ST7L: variants seen among roughly 807,000 people sequenced by gnomAD.
The protein encoded by ST7L is suppression of tumorigenicity 7 like.
Under a neutral mutation model 72.5 loss-of-function variants are expected in ST7L, and 57 were observed. That is an observed-to-expected ratio of 0.79 (90% CI 0.64 to 0.98). The LOEUF (loss-of-function observed/expected upper bound fraction) is 0.98. Ranked by LOEUF, ST7L falls within the 50% of genes least tolerant of loss-of-function variation. The pLI, the probability that ST7L is intolerant of heterozygous loss-of-function variation, is 0.00. For synonymous variants in ST7L, 221 were observed against 240.9 expected, an observed-to-expected ratio of 0.92 and a Z score of 0.77; for missense variants, 576 against 672.2, an observed-to-expected ratio of 0.86 and a Z score of 1.58.
intron 13 of ST7L, 82 bp downstream of exon 13, chr1:112,550,516 AAGG>A: frequency 9.9e-7 from 1 of 1,015,154 alleles, no homozygotes; most frequent in Admixed American, 2.1e-5. Flanking sequence ...ATTTAAACCA[AAGG>A]CATTTTTAAA....
At chr1:112,566,451 C>A (rs575491099) in intron 11 of ST7L, among the ~76,000 whole-genome samples, 11 of 151,956 alleles carry the variant, frequency 7.2e-5, no homozygotes, top group Admixed American at 2.0e-4. Flanking sequence ...GTGTGTGCCA[C>A]CATGTCCAGC....
chr1:112,532,957 G>T (rs1036191829), intron 14 of ST7L, among the ~76,000 whole-genome samples: 3 of 152,126 alleles, frequency 2.0e-5, no homozygotes, highest in African/African-American at 7.2e-5. Flanking sequence ...TATAGGTTAT[G>T]ATATTTTAGA....
chr1:112,586,494 A>G (rs766500252), intron 6 of ST7L, among the ~76,000 whole-genome samples: 1 of 152,134 alleles, frequency 6.6e-6, no homozygotes, highest in Non-Finnish European at 1.5e-5. Flanking sequence ...CATTCCAAAA[A>G]CCGACTGAAA....
intron 11 of ST7L, among the ~76,000 whole-genome samples, chr1:112,565,579 T>C (rs1004424673): frequency 6.6e-6 from 1 of 152,236 alleles, no homozygotes; most frequent in Admixed American, 6.5e-5. Context: ...ATTACGTTAT[T>C]AGCTAATTCA....
In ST7L at chr1:112,577,085, G is replaced by C; in HGVS notation, c.1146C>G (p.Phe382Leu). 1 of 1,551,316 alleles carries C rather than the reference G, an allele frequency of 6.4e-7. No individual in the cohort carries two copies. The highest frequency in any genetic ancestry group is 2.3e-5 in the East Asian group (1 of 43,626). ...CTCTTCTGGAGGCTGTTTCTGGAGA[G>C]AATCTACAAGAAAACCACAAAATGA... ...LLKTRTVSEK[F>L]SPETASRRGL... The change falls in exon 11 of 15, where the codon TTC becomes TTG. Residue 382 changes from phenylalanine to leucine, a missense_variant. Phe to Leu is a conservative substitution (Grantham distance 22). Coordinates refer to ENST00000358039, the MANE Select transcript of ST7L (RefSeq NM_017744.5).
intron 3 of ST7L, among the ~76,000 whole-genome samples, chr1:112,604,031 G>A (rs1416867241): frequency 6.6e-6 from 1 of 152,122 alleles, no homozygotes; most frequent in Non-Finnish European, 1.5e-5. Context: ...AATTCGGCTG[G>A]GCACAGTGGC....
intron 11 of ST7L, chr1:112,571,418 T>C (rs1003424987): frequency 5.3e-6 from 2 of 378,290 alleles, no homozygotes; most frequent in Non-Finnish European, 1.0e-5. Context: ...TCTATCTATA[T>C]ATCTATATAG....
At chr1:112,595,142 G>A (rs781242953) in intron 5 of ST7L, among the ~76,000 whole-genome samples, 4 of 151,806 alleles carry the variant, frequency 2.6e-5, no homozygotes, top group Admixed American at 6.6e-5. Context: ...AAGGGGGGGC[G>A]GATCACCTGA....
At chr1:112,589,132 G>A (rs1665293987) in intron 6 of ST7L, among the ~76,000 whole-genome samples, 1 of 151,994 alleles carries the variant, frequency 6.6e-6, no homozygotes, top group African/African-American at 2.4e-5. Flanking sequence ...TTCTGTAATG[G>A]TGAGATATCA....
rs574807362 is a variant in ST7L at position 112,603,565 on chromosome 1, A to G, written c.452-2717T>C. ...ACACTTCAATCAAACACCATTTCAC[A>G]ATAGACAATGGAGAATAAGCTGTCT... On this transcript the variant is annotated intron_variant, in intron 3 of 14. Transcript: ENST00000358039. Among the ~76,000 whole-genome samples, 7 of 152,362 alleles carry G rather than the reference A, an allele frequency of 4.6e-5. No homozygotes were observed. The South Asian group carries it at 1.4e-3, about 32-fold the overall frequency.
chr1:112,529,823 AC>A (rs1383563892), intron 14 of ST7L: 2 of 151,728 alleles, frequency 1.3e-5, no homozygotes, highest in Non-Finnish European at 2.9e-5. Flanking sequence ...TGGTACCTTC[AC>A]AGGAGCTCAG....
At position 112,610,914 on chromosome 1, in the gene ST7L, T is replaced by C. The variant is rs35364712; in HGVS notation, c.378A>G (p.Thr126=). Residue 126 remains threonine, a synonymous_variant, in exon 3 of 15, where the codon ACA becomes ACG. Coordinates refer to ENST00000358039, the MANE Select transcript of ST7L (RefSeq NM_017744.5). ...AACCTGGTTCTGAAATGCTGCTCTC[T>C]GTTCCTCCCATCAGTGGTTGCAAAT... ...VSHLQPLMGG[T]ESSISEPGSP... is the part of the protein sequence containing the mutation. 3,603 of 1,614,266 alleles carry C rather than the reference T, an allele frequency of 2.2e-3. 73 individuals are homozygous for C. The African/African-American group carries it at 0.042, about 19-fold the overall frequency.
At chr1:112,618,722 G>A (rs1001957614) in intron 1 of ST7L, 187 bp downstream of exon 1, 8 of 1,276,886 alleles carry the variant, frequency 6.3e-6, no homozygotes, top group African/African-American at 4.5e-5. Context: ...CGGAGGAGCC[G>A]GTAACGGCAG....
At chr1:112,608,328 AT>A (rs1337579965) in intron 3 of ST7L, among the ~76,000 whole-genome samples, 1 of 152,090 alleles carries the variant, frequency 6.6e-6, no homozygotes, top group Non-Finnish European at 1.5e-5. Context: ...TTTTAACTCA[AT>A]TTGAGATCCA....
chr1:112,566,638 T>C (rs1241752473), intron 11 of ST7L, among the ~76,000 whole-genome samples: 1 of 152,154 alleles, frequency 6.6e-6, no homozygotes, highest in Admixed American at 6.6e-5. Context: ...TTCTCCTTTC[T>C]AGTTAATGAA....
chr1:112,519,872 C>CTTCTTTTTTTTTTTTTT (rs10634267), downstream of ST7L, among the ~76,000 whole-genome samples: 2 of 115,650 alleles, frequency 1.7e-5, no homozygotes, highest in Admixed American at 9.6e-5. Context: ...GCCCATGCTT[C>CTTCTTTTTTTTTTTTTT]TTTTTTTTTT....
intron 14 of ST7L, 132 bp from the exon 15 acceptor site, chr1:112,526,243 T>C (rs1653360640): frequency 2.4e-6 from 3 of 1,250,566 alleles, no homozygotes; most frequent in Admixed American, 2.2e-5. Context: ...AATGGCTCTT[T>C]TGCCATTTCT....
At chr1:112,575,020 C>G (rs1447271905) in intron 11 of ST7L, among the ~76,000 whole-genome samples, 2 of 152,120 alleles carry the variant, frequency 1.3e-5, no homozygotes, top group Non-Finnish European at 2.9e-5. Flanking sequence ...GGGCGGATCA[C>G]AAGGTCAGGA....
rs557852202 is a variant in ST7L, at chr1:112,568,409, TC to T, written c.1245+8576del. ...TGGAGTGCAGTGGCATGATCTCGGC[TC>T]ACTGCAAGCTCTGCCTCCCAGGTTC... On this transcript the variant is annotated intron_variant, in intron 11 of 14. Coordinates refer to ENST00000358039, the MANE Select transcript of ST7L (RefSeq NM_017744.5). Among the ~76,000 whole-genome samples, 199 of 148,310 alleles carry T rather than the reference TC, an allele frequency of 1.3e-3. 1 individual carries two copies. Among genetic ancestry groups the T allele is most frequent in the African/African-American group, 4.8e-3 (192 of 39,954 alleles).
Sources: allele counts gnomAD v4.1 joint callset (sites outside exome capture counted in the v4.1 genomes callset), GRCh38; gene constraint gnomAD v4.1.1; transcripts MANE v1.5; gene names NCBI Gene and HGNC (gene_info 2026-07-23, HGNC 2026-07-21).